PRKN: variants seen among roughly 807,000 people sequenced by gnomAD.
The protein encoded by PRKN is E3 ubiquitin-protein ligase parkin.
In PRKN, 56 loss-of-function variants were observed where a neutral mutation model predicts 59.5. The observed-to-expected ratio is 0.94, with a 90% CI of 0.76 to 1.18. The LOEUF is 1.18. PRKN is among the 50% of genes most tolerant of loss of function. The pLI, the probability that PRKN is intolerant of heterozygous loss-of-function variation, is 0.00. For missense variants in PRKN, 657 were observed against 596.4 expected, an observed-to-expected ratio of 1.10 and a Z score of -1.06; for synonymous variants, 250 against 222.1, an observed-to-expected ratio of 1.13 and a Z score of -1.12.
At chr6:162,600,570 C>T (rs759664940) in intron 1 of PRKN, among the ~76,000 whole-genome samples, 12 of 152,220 alleles carry the variant, frequency 7.9e-5, no homozygotes, top group South Asian at 2.1e-4. Context: ...GGTTTGGATC[C>T]GTGTGATTTG....
chr6:162,133,607 T>A (rs1781457989), intron 4 of PRKN, among the ~76,000 whole-genome samples: 1 of 152,088 alleles, frequency 6.6e-6, no homozygotes, highest in Non-Finnish European at 1.5e-5. Context: ...ATGTATAATA[T>A]CACAGAAAGC....
intron 4 of PRKN, among the ~76,000 whole-genome samples, chr6:162,090,884 G>C (rs1779464996): frequency 6.6e-6 from 1 of 152,156 alleles, no homozygotes; most frequent in Non-Finnish European, 1.5e-5. Context: ...TGAAGAGACA[G>C]ACGCCACAGT....
chr6:161,871,371 T>C (rs761569817), intron 6 of PRKN, among the ~76,000 whole-genome samples: 1 of 152,128 alleles, frequency 6.6e-6, no homozygotes, highest in Non-Finnish European at 1.5e-5. Context: ...TGTATTAATT[T>C]GGGGTCTACC....
intron 6 of PRKN, among the ~76,000 whole-genome samples, chr6:161,806,597 G>A (rs1791336427): frequency 6.6e-6 from 1 of 152,298 alleles, no homozygotes; most frequent in South Asian, 2.1e-4. Flanking sequence ...TCTCCACCGA[G>A]CTCTGATTCT....
At chr6:161,684,912 T>A (rs533739163) in intron 7 of PRKN, among the ~76,000 whole-genome samples, 6 of 152,296 alleles carry the variant, frequency 3.9e-5, no homozygotes, top group Non-Finnish European at 7.4e-5. Flanking sequence ...CACATCTCCA[T>A]CTATTTCATC....
At chr6:162,169,108 G>A (rs1238763176) in intron 4 of PRKN, among the ~76,000 whole-genome samples, 1 of 152,160 alleles carries the variant, frequency 6.6e-6, no homozygotes, top group Non-Finnish European at 1.5e-5. Context: ...TAAGATGAGA[G>A]GTCATCAGGA....
At chr6:161,829,195 C>T (rs1282879150) in intron 6 of PRKN, among the ~76,000 whole-genome samples, 1 of 152,158 alleles carries the variant, frequency 6.6e-6, no homozygotes, top group Non-Finnish European at 1.5e-5. Context: ...GATTGCACTC[C>T]AGTCTGGGTG....
intron 2 of PRKN, among the ~76,000 whole-genome samples, chr6:162,412,212 G>C (rs1788386441): frequency 6.6e-6 from 1 of 152,102 alleles, no homozygotes; most frequent in Non-Finnish European, 1.5e-5. Flanking sequence ...CATGCCAAGG[G>C]GCTCAAAGTA....
chr6:161,567,434 T>A (rs1780697603), intron 8 of PRKN, among the ~76,000 whole-genome samples: 1 of 152,144 alleles, frequency 6.6e-6, no homozygotes, highest in South Asian at 2.1e-4. Context: ...GTATATAATA[T>A]GGTTTTCTCT....
At chr6:162,047,705 A>T (rs1345935923) in intron 5 of PRKN, among the ~76,000 whole-genome samples, 1 of 152,230 alleles carries the variant, frequency 6.6e-6, no homozygotes, top group Non-Finnish European at 1.5e-5. Context: ...CTAAAACATT[A>T]TTAAGAAACT....
intron 6 of PRKN, among the ~76,000 whole-genome samples, chr6:161,943,972 C>CTGAGGAAGCAGCCT (rs1554252585): frequency 1.3e-5 from 2 of 148,942 alleles, no homozygotes; most frequent in African/African-American, 2.5e-5. Flanking sequence ...AGGAAGCAGC[C>CTGAGGAAGCAGCCT]TGAGGAAGCA....
At chr6:161,883,094 G>T (rs981201306) in intron 6 of PRKN, among the ~76,000 whole-genome samples, 2 of 151,844 alleles carry the variant, frequency 1.3e-5, no homozygotes, top group African/African-American at 4.8e-5. Flanking sequence ...TTTACATATA[G>T]ATAAAGATAA....
intron 9 of PRKN, among the ~76,000 whole-genome samples, chr6:161,520,226 A>ATTT (rs56073676): frequency 0.26 from 33,418 of 131,010 alleles, 5,452 homozygotes; most frequent in African/African-American, 0.4. Flanking sequence ...CTCTCTATGC[A>ATTT]TTTTTTTTTT....
intron 1 of PRKN, among the ~76,000 whole-genome samples, chr6:162,559,083 G>A (rs964644431): frequency 6.7e-6 from 1 of 149,996 alleles, no homozygotes; most frequent in East Asian, 2.0e-4. Flanking sequence ...CCCAGGAGGC[G>A]GAGCTTGTAG....
intron 1 of PRKN, among the ~76,000 whole-genome samples, chr6:162,664,228 C>CT (rs1306704515): frequency 6.6e-6 from 1 of 152,250 alleles, no homozygotes; most frequent in South Asian, 2.1e-4. Context: ...CGATTTCATT[C>CT]TTTTTTATGG....
intron 4 of PRKN, among the ~76,000 whole-genome samples, chr6:162,146,295 G>C (rs984755756): frequency 6.6e-6 from 1 of 151,996 alleles, no homozygotes; most frequent in Admixed American, 6.6e-5. Flanking sequence ...CTCTACCTCT[G>C]AACTCAGTTT....
In PRKN at chr6:162,394,509, T is replaced by C. The variant is rs7745084; in HGVS notation, c.171+48801A>G. Among the ~76,000 whole-genome samples, 936 of 152,032 alleles carry C rather than the reference T, an allele frequency of 6.2e-3. 7 individuals carry two copies. The highest frequency in any genetic ancestry group is 0.019 in the African/African-American group (784 of 41,306). The stretch of plus-strand genomic sequence containing the variant: ...GTGGCTGCAGGCTATGAAGGATAGC[T>C]TTTTATTTTTTCCTTATCAAGGTAA... On this transcript the variant is annotated intron_variant, in intron 2 of 11. Coordinates refer to ENST00000366898, the MANE Select transcript of PRKN (RefSeq NM_004562.3).
At chr6:161,608,267 T>C (rs529257073) in intron 7 of PRKN, among the ~76,000 whole-genome samples, 2 of 152,244 alleles carry the variant, frequency 1.3e-5, no homozygotes, top group African/African-American at 2.4e-5. Context: ...ATGACGACTT[T>C]ACCCAAACCC....
intron 1 of PRKN, among the ~76,000 whole-genome samples, chr6:162,473,951 A>T (rs1791883356): frequency 6.6e-6 from 1 of 152,212 alleles, no homozygotes; most frequent in South Asian, 2.1e-4. Flanking sequence ...GGTAAAAATA[A>T]CTGATTTCCC....
Sources: gnomAD v4.1 joint callset for allele counts (sites outside exome capture counted in the v4.1 genomes callset) on GRCh38, gnomAD v4.1.1 for gene constraint, MANE v1.5 for transcripts, NCBI Gene and HGNC (gene_info 2026-07-23, HGNC 2026-07-21) for gene names.